CLEC18B: variants seen among roughly 807,000 people sequenced by gnomAD.
The protein encoded by CLEC18B is C-type lectin domain family 18 member B, also known as mannose receptor-like 2.
CLEC18B carries 5 observed loss-of-function variants against 60.4 expected under a neutral mutation model. That is an observed-to-expected ratio of 0.08 (90% confidence interval 0.04 to 0.17). The LOEUF (loss-of-function observed/expected upper bound fraction) is 0.17, where lower values mean the gene tolerates loss of function less well. CLEC18B is among the 10% of genes least tolerant of loss of function. The pLI, the probability that CLEC18B is intolerant of heterozygous loss-of-function variation, is 1.00. For missense variants in CLEC18B, 26 were observed against 572.8 expected (o/e 0.05, Z 9.74); for synonymous variants, 16 against 221.2 (o/e 0.07, Z 8.23).
At chr16:74,423,662 C>T (rs1370467068), upstream of CLEC18B, among the ~76,000 whole-genome samples, 1 of 151,634 alleles carries the variant, frequency 6.6e-6, no homozygotes, top group Non-Finnish European at 1.5e-5. Flanking sequence ...GCACTCCATC[C>T]TGGGCAACAG....
upstream of CLEC18B, among the ~76,000 whole-genome samples, chr16:74,423,736 G>A (rs1458877836): frequency 2.1e-5 from 3 of 145,294 alleles, no homozygotes; most frequent in South Asian, 4.4e-4. Context: ...GGAGAGCAAG[G>A]TTCATGGGCC....
intron 2 of CLEC18B, among the ~76,000 whole-genome samples, chr16:74,420,009 T>C (rs199530266): frequency 1.3e-5 from 2 of 152,280 alleles, no homozygotes; most frequent in Non-Finnish European, 2.9e-5. Context: ...GTGGAAAATG[T>C]GGACGAGTGA....
At chr16:74,423,771 G>A (rs1294003157), upstream of CLEC18B, among the ~76,000 whole-genome samples, 1 of 148,372 alleles carries the variant, frequency 6.7e-6, no homozygotes, top group Non-Finnish European at 1.5e-5. Context: ...GTGGATAAAA[G>A]ATTAATGAGA....
intron 4 of CLEC18B, 79 bp downstream of exon 4, chr16:74,413,500 T>C (rs530577391): frequency 8.1e-6 from 13 of 1,605,818 alleles, no homozygotes; most frequent in African/African-American, 1.3e-5. Flanking sequence ...TTCGGGTGGA[T>C]GTGTGGGAAT....
At chr16:74,423,590 G>A (rs2013752434), upstream of CLEC18B, among the ~76,000 whole-genome samples, 2 of 152,230 alleles carry the variant, frequency 1.3e-5, no homozygotes, top group Admixed American at 1.3e-4. Flanking sequence ...TCGGTAGGCT[G>A]AGGCAGGAGA....
At chr16:74,423,824 G>A (rs2142779558), upstream of CLEC18B, among the ~76,000 whole-genome samples, 1 of 152,330 alleles carries the variant, frequency 6.6e-6, no homozygotes, top group South Asian at 2.1e-4. Flanking sequence ...GTGTGACCCT[G>A]AGGATGGCAC....
At chr16:74,411,947 C>G (rs2013178469) in intron 7 of CLEC18B, 172 bp from the exon 8 acceptor site, 1 of 1,464,208 alleles carries the variant, frequency 6.8e-7, no homozygotes, top group Non-Finnish European at 9.4e-7. Context: ...TGCTCTCTCT[C>G]AAAAGAAAAA....
chr16:74,423,925 T>C (rs1402058288), upstream of CLEC18B, among the ~76,000 whole-genome samples: 1 of 152,184 alleles, frequency 6.6e-6, no homozygotes, highest in African/African-American at 2.4e-5. Flanking sequence ...TTGGTTTCCA[T>C]GGTACTCCCT....
chr16:74,409,761 CG>C (rs2013037745), intron 10 of CLEC18B, 120 bp from the exon 11 acceptor site: 2 of 1,612,066 alleles, frequency 1.2e-6, no homozygotes, highest in South Asian at 1.1e-5. Context: ...CACCTGCCGA[CG>C]GGGCTGCTGG....
chr16:74,423,075 A>T (rs1180807901), upstream of CLEC18B, among the ~76,000 whole-genome samples: 1 of 128,276 alleles, frequency 7.8e-6, no homozygotes, highest in Non-Finnish European at 1.7e-5. Context: ...CGTGTAGATG[A>T]GGAAACGGGC....
At chr16:74,417,703 G>T (rs2142757913) in intron 3 of CLEC18B, among the ~76,000 whole-genome samples, 1 of 145,624 alleles carries the variant, frequency 6.9e-6, no homozygotes, top group Non-Finnish European at 1.5e-5. Context: ...ATCACTTGAG[G>T]CCAGGAGTTC....
At chr16:74,410,108 A>G (rs2142728200) in intron 10 of CLEC18B, among the ~76,000 whole-genome samples, 1 of 152,372 alleles carries the variant, frequency 6.6e-6, no homozygotes, top group South Asian at 2.1e-4. Context: ...ACGTGACCAG[A>G]GGGTTCTTGC....
At chr16:74,420,444 TG>T (rs1364360577) in intron 2 of CLEC18B, 56 bp downstream of exon 2, 2 of 564,920 alleles carry the variant, frequency 3.5e-6, no homozygotes, top group Non-Finnish European at 6.3e-6. Flanking sequence ...AGCCGCCCTC[TG>T]GGGTCCGCGC....
chr16:74,416,194 C>G (rs1313422234), intron 3 of CLEC18B, among the ~76,000 whole-genome samples: 1 of 149,116 alleles, frequency 6.7e-6, no homozygotes, highest in Non-Finnish European at 1.5e-5. Context: ...ACCCAGGAGG[C>G]GGAGCTTGCA....
upstream of CLEC18B, chr16:74,421,672 G>A (rs1331508230): frequency 9.4e-5 from 38 of 403,414 alleles, no homozygotes; most frequent in South Asian, 2.5e-4. Context: ...ACCGATGGCC[G>A]TGTCCTGGCT....
rs767528182 is a variant in CLEC18B, at chr16:74,412,831, G to A, written c.726C>T (p.Leu242=). Residue 242 remains leucine (L), a synonymous_variant, in exon 6 of 12, where the codon CTC becomes CTT. Transcript: ENST00000682950. The stretch of plus-strand genomic sequence containing the variant: ...AGTGGCAGTGGCAGGTGCTGATGTT[G>A]AGACGTCCATGGTTCTGGCAGCTCA... ...CRMSCQNHGR[L]NISTCHCHCP... The A allele has an allele frequency of 6.2e-7, 1 of 1,611,948 alleles. No individual in the cohort carries two copies. The highest frequency in any genetic ancestry group is 2.2e-5 in the East Asian group (1 of 44,888).
intron 5 of CLEC18B, 39 bp from the exon 6 acceptor site, chr16:74,412,919 C>T: frequency 6.2e-7 from 1 of 1,612,198 alleles, no homozygotes; most frequent in Non-Finnish European, 8.5e-7. Flanking sequence ...AAAGGGTCGC[C>T]TCCCAGCAGG....
intron 10 of CLEC18B, 43 bp downstream of exon 10, chr16:74,410,493 A>C: frequency 6.2e-7 from 1 of 1,611,944 alleles, no homozygotes; most frequent in Admixed American, 1.7e-5. Flanking sequence ...AGGCAGGCCC[A>C]AGTGAGAAGG....
upstream of CLEC18B, chr16:74,422,226 A>G (rs2013715181): frequency 6.6e-6 from 1 of 152,454 alleles, no homozygotes; most frequent in Admixed American, 6.5e-5. Flanking sequence ...GATCTGCACC[A>G]TGGGCCAAGT....
Sources: allele counts gnomAD v4.1 joint callset (sites outside exome capture counted in the v4.1 genomes callset), GRCh38; gene constraint gnomAD v4.1.1; transcripts MANE v1.5; gene names NCBI Gene and HGNC (gene_info 2026-07-23, HGNC 2026-07-21).